Variants in SOX5 observed in about 807,000 individuals in gnomAD.
SOX5 encodes the protein SRY-box transcription factor 5.
A neutral mutation model predicts 92.0 loss-of-function variants in SOX5; 9 were observed. The ratio of observed to expected loss-of-function variants is 0.10; its 90% CI spans 0.06 to 0.17. The LOEUF (loss-of-function observed/expected upper bound fraction) is 0.17, where lower values mean the gene tolerates loss of function less well. SOX5 is among the 10% of genes least tolerant of loss of function. The pLI is 1.00. For synonymous variants in SOX5, 344 were observed against 336.3 expected (o/e 1.02, Z -0.25); for missense variants, 642 against 944.5 (o/e 0.68, Z 4.20).
At chr12:23,551,092 T>C (rs1394371178) in intron 11 of SOX5, among the ~76,000 whole-genome samples, 3 of 151,910 alleles carry the variant, frequency 2.0e-5, no homozygotes, top group African/African-American at 7.2e-5. Context: ...GCTATAAAAG[T>C]CATAAAAAGC....
At chr12:23,582,213 ATGGACTG>A (rs1181778911) in intron 9 of SOX5, 1 of 985,002 alleles carries the variant, frequency 1.0e-6, no homozygotes, top group Non-Finnish European at 1.2e-6. Context: ...TTCTACCTCT[ATGGACTG>A]TGGGAGCCCT....
chr12:23,968,687 T>C (rs560547607), intron 4 of SOX5, among the ~76,000 whole-genome samples: 2 of 152,228 alleles, frequency 1.3e-5, no homozygotes, highest in Non-Finnish European at 1.5e-5. Flanking sequence ...GTCTTGGATA[T>C]TCTGTTACAG....
intron 8 of SOX5, among the ~76,000 whole-genome samples, chr12:23,621,490 AG>A (rs1371144880): frequency 1.3e-5 from 2 of 152,104 alleles, no homozygotes; most frequent in Non-Finnish European, 2.9e-5. Flanking sequence ...CATGATTAAG[AG>A]GGCGTTAGAA....
chr12:24,207,312 T>A (rs556358900), intron 4 of SOX5, among the ~76,000 whole-genome samples: 20 of 152,132 alleles, frequency 1.3e-4, no homozygotes, highest in African/African-American at 4.8e-4. Context: ...ATGGATGGGA[T>A]CTAAATCAAT....
chr12:23,949,735 T>A, upstream of SOX5: 2 of 681,080 alleles, frequency 2.9e-6, no homozygotes, highest in Non-Finnish European at 4.2e-6. Context: ...TCCCTCCCTC[T>A]CTCTCTCTCT....
intron 3 of SOX5, among the ~76,000 whole-genome samples, chr12:23,818,155 C>T (rs569508198): frequency 2.0e-5 from 3 of 152,110 alleles, no homozygotes; most frequent in East Asian, 1.9e-4. Context: ...CATTGCTTAA[C>T]GACAAGGATA....
intron 3 of SOX5, among the ~76,000 whole-genome samples, chr12:23,829,299 T>G (rs1163481979): frequency 6.6e-6 from 1 of 152,098 alleles, no homozygotes; most frequent in African/African-American, 2.4e-5. Flanking sequence ...AAAACACACA[T>G]GCACGCACAG....
chr12:24,281,237 GAAAAAAAAAA>G (rs71448005), intron 2 of SOX5, among the ~76,000 whole-genome samples: 8 of 97,246 alleles, frequency 8.2e-5, no homozygotes, highest in Admixed American at 2.2e-4. Context: ...TTACCAAAAG[GAAAAAAAAAA>G]AAAAAAAAAA....
intron 4 of SOX5, among the ~76,000 whole-genome samples, chr12:24,204,290 T>G (rs946793391): frequency 6.6e-6 from 1 of 151,264 alleles, no homozygotes; most frequent in Non-Finnish European, 1.5e-5. Flanking sequence ...TAATCTTGGG[T>G]ATATAGTTTT....
At chr12:23,773,992 G>A (rs1443123613) in intron 3 of SOX5, among the ~76,000 whole-genome samples, 1 of 151,936 alleles carries the variant, frequency 6.6e-6, no homozygotes, top group Admixed American at 6.6e-5. Flanking sequence ...ATGTAGGCAA[G>A]GTATTTAGCC....
At chr12:24,499,830 A>G (rs1197041193) in intron 1 of SOX5, among the ~76,000 whole-genome samples, 1 of 152,034 alleles carries the variant, frequency 6.6e-6, no homozygotes, top group African/African-American at 2.4e-5. Context: ...AGTGCTGTTA[A>G]CTATTGGAAC....
intron 1 of SOX5, among the ~76,000 whole-genome samples, chr12:24,454,264 T>C (rs1171941034): frequency 2.0e-5 from 3 of 152,190 alleles, no homozygotes; most frequent in Admixed American, 1.3e-4. Context: ...GTCTGAACAA[T>C]TCTAAAGTGA....
chr12:23,849,332 A>G (rs953240431), intron 2 of SOX5, among the ~76,000 whole-genome samples: 4 of 152,240 alleles, frequency 2.6e-5, no homozygotes, highest in Non-Finnish European at 5.9e-5. Context: ...GAATGATAGC[A>G]AATATTTATT....
chr12:24,505,641 G>A (rs1452431108), intron 1 of SOX5, among the ~76,000 whole-genome samples: 1 of 152,136 alleles, frequency 6.6e-6, no homozygotes, highest in Non-Finnish European at 1.5e-5. Context: ...TACATCTGAG[G>A]CAATCAACCA....
In SOX5 at chr12:23,855,374, A is replaced by T. The variant is rs151096379; in HGVS notation, c.271-9181T>A. On this transcript the variant is annotated intron_variant, in intron 2 of 14. Transcript: ENST00000451604. ...GTTGCATATTCAATTTTCAAATTTC[A>T]CAGTTTCATGGTTCTCTACAAAGTG... 3.1e-4 allele frequency among the ~76,000 whole-genome samples: 47 copies of T among 152,204 alleles called. No individual in the cohort carries two copies. In the East Asian group the frequency reaches 8.5e-3, roughly 27 times the overall value.
chr12:24,176,147 A>C (rs544386218), intron 4 of SOX5, among the ~76,000 whole-genome samples: 1 of 152,236 alleles, frequency 6.6e-6, no homozygotes, highest in South Asian at 2.1e-4. Flanking sequence ...CCCGGGCAGC[A>C]TGATGAAATC....
chr12:24,133,463 G>A (rs1354013701), intron 4 of SOX5, among the ~76,000 whole-genome samples: 1 of 152,174 alleles, frequency 6.6e-6, no homozygotes, highest in East Asian at 1.9e-4. Context: ...TTTAAGAGCA[G>A]CATCAATTAA....
At chr12:23,578,953 A>T (rs944639529) in intron 9 of SOX5, among the ~76,000 whole-genome samples, 1 of 152,170 alleles carries the variant, frequency 6.6e-6, no homozygotes, top group Non-Finnish European at 1.5e-5. Flanking sequence ...AAAGCAAAGC[A>T]AAGCAAAGCA....
chr12:23,914,376 C>T (rs2097388921), intron 1 of SOX5, among the ~76,000 whole-genome samples: 1 of 152,040 alleles, frequency 6.6e-6, no homozygotes, highest in East Asian at 1.9e-4. Context: ...TAATTTATGG[C>T]CATGCAACAT....
Sources: gnomAD v4.1 joint callset for allele counts (sites outside exome capture counted in the v4.1 genomes callset) on GRCh38, gnomAD v4.1.1 for gene constraint, MANE v1.5 for transcripts, NCBI Gene and HGNC (gene_info 2026-07-23, HGNC 2026-07-21) for gene names.